ELAVL4: variants seen among roughly 807,000 people sequenced by gnomAD.
ELAVL4 encodes ELAV-like protein 4.
ELAVL4 carries 1 observed loss-of-function variant against 35.6 expected under a neutral mutation model. The ratio of observed to expected loss-of-function variants is 0.03; its 90% CI spans 0.01 to 0.13. The LOEUF (loss-of-function observed/expected upper bound fraction) is 0.13, where lower values mean the gene tolerates loss of function less well. ELAVL4 is among the 10% of genes least tolerant of loss of function. The probability of loss-of-function intolerance (pLI) is 1.00; values close to 1 mark genes in which losing one functional copy is unlikely to be tolerated. For missense variants in ELAVL4, 267 were observed against 464.9 expected, an observed-to-expected ratio of 0.57 and a Z score of 3.91; for synonymous variants, 156 against 171.0, an observed-to-expected ratio of 0.91 and a Z score of 0.69.
chr1:50,124,452 G>A (rs1320447255), intron 1 of ELAVL4, among the ~76,000 whole-genome samples: 1 of 152,128 alleles, frequency 6.6e-6, no homozygotes, highest in African/African-American at 2.4e-5. Flanking sequence ...TTTGAAGAAA[G>A]AGGACAACGT....
chr1:50,126,439 G>T (rs531164648), intron 1 of ELAVL4, among the ~76,000 whole-genome samples: 2 of 152,158 alleles, frequency 1.3e-5, no homozygotes, highest in East Asian at 1.9e-4. Context: ...TTTAGTGGGG[G>T]ATGAAGGGGA....
chr1:50,143,631 A>T (rs1005318233), intron 1 of ELAVL4, among the ~76,000 whole-genome samples: 1 of 152,186 alleles, frequency 6.6e-6, no homozygotes, highest in African/African-American at 2.4e-5. Flanking sequence ...CACAGCTAGT[A>T]AGTGGCAGAG....
intron 1 of ELAVL4, among the ~76,000 whole-genome samples, chr1:50,071,154 C>T (rs1324791696): frequency 6.6e-6 from 1 of 152,194 alleles, no homozygotes; most frequent in Admixed American, 6.5e-5. Flanking sequence ...TCCAGAAGAG[C>T]TCTCCCTCCC....
intron 1 of ELAVL4, among the ~76,000 whole-genome samples, chr1:50,084,903 T>C (rs1436523233): frequency 1.3e-5 from 2 of 152,212 alleles, no homozygotes; most frequent in East Asian, 1.9e-4. Flanking sequence ...TATTGTGTTA[T>C]TGTATCACCT....
chr1:50,133,651 G>A (rs531486974), intron 1 of ELAVL4, among the ~76,000 whole-genome samples: 178 of 91,926 alleles, frequency 1.9e-3, no homozygotes, highest in Middle Eastern at 6.7e-3. Flanking sequence ...AAGAAAGAAA[G>A]AGAAAGAAAG....
At chr1:50,103,195 T>C (rs1294839597), upstream of ELAVL4, among the ~76,000 whole-genome samples, 1 of 152,224 alleles carries the variant, frequency 6.6e-6, no homozygotes, top group Non-Finnish European at 1.5e-5. Context: ...AGGTTAGACA[T>C]CCATTTGTCA....
intron 1 of ELAVL4, among the ~76,000 whole-genome samples, chr1:50,118,061 A>G (rs1453243315): frequency 1.3e-5 from 2 of 152,248 alleles, no homozygotes; most frequent in East Asian, 1.9e-4. Context: ...AATTTCATGA[A>G]AGAGCCTGTT....
chr1:50,051,384 G>A (rs962579988), intron 1 of ELAVL4, among the ~76,000 whole-genome samples: 8 of 152,142 alleles, frequency 5.3e-5, no homozygotes, highest in East Asian at 1.9e-4. Flanking sequence ...TGTAAGGGGC[G>A]AATGAATTAT....
rs1055424449 is a variant in ELAVL4 at position 50,203,294 on chromosome 1, C to T, written c.*2116C>T. The T allele has an allele frequency of 2.0e-5, 3 of 152,130 alleles. No individual in the cohort carries two copies. Among genetic ancestry groups the T allele is most frequent in the Admixed American group, 6.6e-5 (1 of 15,266 alleles). 9.4% of individuals were successfully genotyped at this position (152,130 alleles called of 1,614,324 possible). Reference sequence around the variant, plus strand: ...GACTGTTGTTTTCACACTGAAAAGGCAAACTTTGTAGTAGTCGTTGTAGTG... The same window carrying T: ...GACTGTTGTTTTCACACTGAAAAGGTAAACTTTGTAGTAGTCGTTGTAGTG... On this transcript the variant is annotated 3_prime_UTR_variant, in exon 7 of 7. Transcript: ENST00000371824.
intron 1 of ELAVL4, among the ~76,000 whole-genome samples, chr1:50,128,407 G>A (rs1454410883): frequency 6.6e-6 from 1 of 152,066 alleles, no homozygotes; most frequent in Non-Finnish European, 1.5e-5. Context: ...AGCAGATTTG[G>A]CTATAGAAAG....
intron 1 of ELAVL4, chr1:50,110,009 G>T (rs1666790531): frequency 6.3e-7 from 1 of 1,591,686 alleles, no homozygotes; most frequent in African/African-American, 1.3e-5. Flanking sequence ...AGCCCTGTGT[G>T]TGTGTGTGTG....
intron 1 of ELAVL4, among the ~76,000 whole-genome samples, chr1:50,140,907 A>G (rs751724367): frequency 3.3e-5 from 5 of 152,180 alleles, no homozygotes; most frequent in African/African-American, 7.2e-5. Flanking sequence ...ATTGTATCTC[A>G]TGGCTCCTTT....
intron 1 of ELAVL4, among the ~76,000 whole-genome samples, chr1:50,134,613 T>A (rs1342980110): frequency 6.6e-5 from 10 of 152,172 alleles, no homozygotes; most frequent in Non-Finnish European, 1.5e-4. Flanking sequence ...ATTGTATTTT[T>A]ATTAAAATGC....
chr1:50,154,846 A>T (rs1675439769), intron 2 of ELAVL4, among the ~76,000 whole-genome samples: 1 of 151,192 alleles, frequency 6.6e-6, no homozygotes, highest in Admixed American at 6.6e-5. Context: ...TCCAAAAAGG[A>T]TTTTCATTGG....
chr1:50,057,846 T>C (rs1322843464), intron 1 of ELAVL4, among the ~76,000 whole-genome samples: 1 of 152,226 alleles, frequency 6.6e-6, no homozygotes, highest in East Asian at 1.9e-4. Context: ...CAAGTTACCA[T>C]GTTGTTTGGG....
chr1:50,078,828 T>C (rs1664878170), intron 1 of ELAVL4, among the ~76,000 whole-genome samples: 1 of 152,176 alleles, frequency 6.6e-6, no homozygotes. Context: ...TCCATTCCCG[T>C]GCCTATCACA....
intron 1 of ELAVL4, among the ~76,000 whole-genome samples, chr1:50,118,961 A>AGAGAGAGAGG (rs1311795114): frequency 8.0e-6 from 1 of 125,716 alleles, no homozygotes; most frequent in African/African-American, 3.1e-5. Context: ...AGAGAGAGAG[A>AGAGAGAGAGG]GAGGGAGGGA....
At chr1:50,096,594 A>G (rs559660123) in intron 1 of ELAVL4, among the ~76,000 whole-genome samples, 1 of 152,122 alleles carries the variant, frequency 6.6e-6, no homozygotes, top group East Asian at 1.9e-4. Context: ...AAAGATTTTT[A>G]GGCAGGGGAG....
intron 1 of ELAVL4, among the ~76,000 whole-genome samples, chr1:50,072,449 C>G (rs1466629536): frequency 6.6e-6 from 1 of 152,210 alleles, no homozygotes; most frequent in Non-Finnish European, 1.5e-5. Context: ...CACAGCCCCG[C>G]TGGGCCTTCT....
Sources: gnomAD v4.1 joint callset for allele counts (sites outside exome capture counted in the v4.1 genomes callset) on GRCh38, gnomAD v4.1.1 for gene constraint, MANE v1.5 for transcripts, NCBI Gene and HGNC (gene_info 2026-07-23, HGNC 2026-07-21) for gene names.